The following AUTS2 variants were observed in gnomAD, a reference collection of about 807,000 sequenced individuals.
The protein encoded by AUTS2 is activator of transcription and developmental regulator AUTS2.
Under a neutral mutation model 112.4 loss-of-function variants are expected in AUTS2, and 17 were observed. The observed-to-expected ratio is 0.15, with a 90% CI of 0.10 to 0.23. The LOEUF (loss-of-function observed/expected upper bound fraction) is 0.23, where lower values mean the gene tolerates loss of function less well. AUTS2 is among the 10% of genes least tolerant of loss of function. The pLI is 1.00. For missense variants in AUTS2, 1,510 were observed against 1,701.6 expected, an observed-to-expected ratio of 0.89 and a Z score of 1.98; for synonymous variants, 751 against 702.7, an observed-to-expected ratio of 1.07 and a Z score of -1.09.
chr7:70,127,308 A>G (rs1806028988), intron 3 of AUTS2, among the ~76,000 whole-genome samples: 1 of 150,994 alleles, frequency 6.6e-6, no homozygotes, highest in African/African-American at 2.4e-5. Flanking sequence ...TAATTTTTGT[A>G]TTTTTAGTAG....
intron 4 of AUTS2, among the ~76,000 whole-genome samples, chr7:70,429,565 G>A (rs1206757694): frequency 6.6e-6 from 1 of 152,172 alleles, no homozygotes; most frequent in Non-Finnish European, 1.5e-5. Flanking sequence ...AGGTATGTTA[G>A]GATAGTGCCA....
chr7:70,220,007 A>G (rs1436702850), intron 4 of AUTS2, among the ~76,000 whole-genome samples: 1 of 152,190 alleles, frequency 6.6e-6, no homozygotes, highest in East Asian at 1.9e-4. Flanking sequence ...GTCATTCAGT[A>G]GTTACTTATT....
chr7:70,302,471 T>C (rs1789261989), intron 4 of AUTS2, among the ~76,000 whole-genome samples: 1 of 152,136 alleles, frequency 6.6e-6, no homozygotes, highest in Admixed American at 6.5e-5. Flanking sequence ...AGTTTTAGTG[T>C]TATAGTCATT....
intron 5 of AUTS2, among the ~76,000 whole-genome samples, chr7:70,681,507 G>A (rs994473736): frequency 1.1e-4 from 14 of 128,088 alleles, no homozygotes; most frequent in African/African-American, 4.5e-4. Context: ...GGGCATCAGT[G>A]TACATATATA....
Position 70,119,374 on chromosome 7 carries a change from T to TC in AUTS2, c.624+1141_624+1142insC, listed in dbSNP as rs1201082006. 11 of 151,840 alleles carry TC rather than the reference T, an allele frequency of 7.2e-5. No homozygotes were observed. In the East Asian group the frequency reaches 1.7e-3, roughly 24 times the overall value. 9.4% of individuals were successfully genotyped at this position (151,840 alleles called of 1,614,324 possible). A position where few individuals can be genotyped will look rare whatever the true frequency, so the allele number is the denominator to read the frequency against. On this transcript the variant is annotated intron_variant, in intron 3 of 18. Transcript: ENST00000342771. ...AATGGATCAAGTAAAGAGATTTTTT[T>TC]TTTTTTTTTGAGACTGAGTCTTGCT...
intron 1 of AUTS2, among the ~76,000 whole-genome samples, chr7:69,679,384 C>T (rs761057010): frequency 3.3e-5 from 5 of 152,190 alleles, no homozygotes; most frequent in Non-Finnish European, 7.3e-5. Flanking sequence ...GTTATCTTAC[C>T]TATAAAATGG....
chr7:69,965,869 T>C (rs1797616412), intron 2 of AUTS2, among the ~76,000 whole-genome samples: 2 of 152,170 alleles, frequency 1.3e-5, no homozygotes, highest in African/African-American at 4.8e-5. Context: ...TCAATCTCAG[T>C]GTGAAGTTTT....
chr7:69,962,315 A>G (rs1233023076), intron 2 of AUTS2, among the ~76,000 whole-genome samples: 2 of 152,056 alleles, frequency 1.3e-5, no homozygotes, highest in African/African-American at 4.8e-5. Context: ...TAGGCCCTGT[A>G]CCTCTTAGGA....
chr7:69,790,392 G>T (rs1789561619), intron 1 of AUTS2, among the ~76,000 whole-genome samples: 1 of 152,186 alleles, frequency 6.6e-6, no homozygotes, highest in African/African-American at 2.4e-5. Context: ...TAACGGAAAG[G>T]GTGTTTAGGG....
At chr7:70,037,277 A>G (rs1021054610) in intron 2 of AUTS2, among the ~76,000 whole-genome samples, 1 of 152,220 alleles carries the variant, frequency 6.6e-6, no homozygotes, top group Non-Finnish European at 1.5e-5. Flanking sequence ...ATGGATACAA[A>G]GTAGCAGATA....
At chr7:70,052,332 T>A (rs183902118) in intron 2 of AUTS2, among the ~76,000 whole-genome samples, 13 of 152,218 alleles carry the variant, frequency 8.5e-5, no homozygotes, top group Admixed American at 4.6e-4. Context: ...CCTAGGTAAT[T>A]GGTTCTAATT....
chr7:69,931,237 T>C (rs914316870), intron 2 of AUTS2, among the ~76,000 whole-genome samples: 7 of 152,140 alleles, frequency 4.6e-5, no homozygotes, highest in Non-Finnish European at 8.8e-5. Flanking sequence ...CCTCATACCA[T>C]GCCTGGCATA....
At chr7:69,778,268 T>C (rs895879206) in intron 1 of AUTS2, among the ~76,000 whole-genome samples, 2 of 149,254 alleles carry the variant, frequency 1.3e-5, no homozygotes, top group African/African-American at 4.9e-5. Flanking sequence ...TTTTACTCAT[T>C]TGGTCTGTGT....
rs1168786297 is a variant in AUTS2, at chr7:69,779,049, TTAA to T, written c.310-120236_310-120234del. On this transcript the variant is annotated intron_variant, in intron 1 of 18. Transcript: ENST00000342771. ...CACATAGTTGTGAGCCTTTTTTTTT[TTAA>T]AAAAAAAAAAAAAAAAAAAAAAAGA... is the stretch of plus-strand genomic sequence containing the variant. Among the ~76,000 whole-genome samples, 445 of 116,618 alleles carry T rather than the reference TTAA, an allele frequency of 3.8e-3. 2 individuals are homozygous for T. The highest frequency in any genetic ancestry group is 0.014 in the African/African-American group (417 of 29,156). 76.5% of individuals were successfully genotyped at this position (116,618 alleles called of 152,430 possible).
chr7:69,693,063 A>C (rs560520238), intron 1 of AUTS2, among the ~76,000 whole-genome samples: 2 of 152,354 alleles, frequency 1.3e-5, no homozygotes, highest in Non-Finnish European at 2.9e-5. Flanking sequence ...CCTTGAACAG[A>C]GTGAGAGGTT....
intron 4 of AUTS2, among the ~76,000 whole-genome samples, chr7:70,185,284 TAA>T (rs1809541769): frequency 7.2e-6 from 1 of 139,854 alleles, no homozygotes; most frequent in African/African-American, 2.6e-5. Context: ...TTTTTTTTTT[TAA>T]GAAACGAGGA....
At chr7:70,173,322 C>G (rs1808805087) in intron 4 of AUTS2, among the ~76,000 whole-genome samples, 1 of 150,458 alleles carries the variant, frequency 6.6e-6, no homozygotes, top group Non-Finnish European at 1.5e-5. Flanking sequence ...GGTCGTGCCA[C>G]TGTACTCCAG....
chr7:70,209,067 G>T (rs992131559), intron 4 of AUTS2, among the ~76,000 whole-genome samples: 1 of 152,190 alleles, frequency 6.6e-6, no homozygotes, highest in African/African-American at 2.4e-5. Flanking sequence ...ATGCTCCCAA[G>T]TGTAGAAACT....
At chr7:69,907,456 A>G (rs1795192693) in intron 2 of AUTS2, among the ~76,000 whole-genome samples, 1 of 152,366 alleles carries the variant, frequency 6.6e-6, no homozygotes, top group South Asian at 2.1e-4. Flanking sequence ...CAAGTTCCTT[A>G]AATAAAATGT....
Sources: allele counts gnomAD v4.1 joint callset (sites outside exome capture counted in the v4.1 genomes callset), GRCh38; gene constraint gnomAD v4.1.1; transcripts MANE v1.5; gene names NCBI Gene and HGNC (gene_info 2026-07-23, HGNC 2026-07-21).